IL1RL1: variants seen among roughly 807,000 people sequenced by gnomAD.
The protein encoded by IL1RL1 is interleukin-1 receptor-like 1.
A neutral mutation model predicts 50.9 loss-of-function variants in IL1RL1; 32 were observed. The observed-to-expected ratio is 0.63, with a 90% CI of 0.47 to 0.84. The LOEUF is 0.84. Ranked by LOEUF, IL1RL1 falls within the 40% of genes least tolerant of loss-of-function variation. The pLI, the probability that IL1RL1 is intolerant of heterozygous loss-of-function variation, is 0.00. For missense variants in IL1RL1, 773 were observed against 662.9 expected (o/e 1.17, Z -1.82); for synonymous variants, 275 against 236.0 (o/e 1.17, Z -1.51).
intron 1 of IL1RL1, among the ~76,000 whole-genome samples, chr2:102,323,012 A>G (rs1216298185): frequency 6.6e-6 from 1 of 152,094 alleles, no homozygotes; most frequent in African/African-American, 2.4e-5. Flanking sequence ...TTTGACAGTC[A>G]TCCTATGGTT....
chr2:102,319,878 G>A (rs1676787918), intron 1 of IL1RL1, among the ~76,000 whole-genome samples: 1 of 152,022 alleles, frequency 6.6e-6, no homozygotes, highest in Non-Finnish European at 1.5e-5. Flanking sequence ...TTGTAGAGAT[G>A]GGGACTTACT....
chr2:102,334,875 T>A (rs56980754), intron 1 of IL1RL1, among the ~76,000 whole-genome samples: 4,240 of 152,294 alleles, frequency 0.028, 177 homozygotes, highest in African/African-American at 0.096. Context: ...GTTGTTGCCC[T>A]CAAAACATAA....
rs375168088 is a variant in IL1RL1, at chr2:102,337,556, T to C, written c.-149-560T>C. 9.2e-5 allele frequency among the ~76,000 whole-genome samples: 14 copies of C among 152,332 alleles called. No homozygotes were observed. The South Asian group carries it at 2.9e-3, about 32-fold the overall frequency. ...TCAACTACTCTTAGAAAGCCTTTGG[T>C]GACTCCTGGGAACAAGCTGAGTCAG... On this transcript the variant is annotated intron_variant, in intron 1 of 10. Transcript: ENST00000233954.
intron 8 of IL1RL1, 81 bp from the exon 9 acceptor site, chr2:102,347,864 C>T (rs1677826637): frequency 2.5e-6 from 2 of 813,822 alleles, no homozygotes; most frequent in South Asian, 1.7e-5. Flanking sequence ...CTTGTACTCC[C>T]AAGGGAAGCC....
At chr2:102,341,250 CA>C in intron 5 of IL1RL1, 1 of 1,235,970 alleles carries the variant, frequency 8.1e-7, no homozygotes, top group Non-Finnish European at 1.0e-6. Flanking sequence ...TCATTGGATT[CA>C]AAGTCTAATG....
At chr2:102,326,580 C>A (rs894398922) in intron 1 of IL1RL1, among the ~76,000 whole-genome samples, 3 of 152,006 alleles carry the variant, frequency 2.0e-5, no homozygotes, top group African/African-American at 7.3e-5. Flanking sequence ...GAGTCAAGAC[C>A]CATCAGTGTG....
chr2:102,341,271 G>T lies in IL1RL1; in HGVS notation c.610+443G>T, dbSNP rs78197197. 1.9e-3 allele frequency: 2,376 copies of T among 1,253,506 alleles called. 11 individuals carry two copies. Among genetic ancestry groups the T allele is most frequent in the Non-Finnish European group, 1.8e-3 (1,761 of 971,144 alleles). 77.6% of individuals were successfully genotyped at this position (1,253,506 alleles called of 1,614,324 possible). ...GATTCAAAGTCTAATGAGAGGCTTT[G>T]TGATGGTATACTATGGTGTACATAA... On this transcript the variant is annotated intron_variant, in intron 5 of 10. Transcript: ENST00000233954.
At chr2:102,318,987 C>A (rs1273262627) in intron 1 of IL1RL1, among the ~76,000 whole-genome samples, 1 of 151,960 alleles carries the variant, frequency 6.6e-6, no homozygotes, top group African/African-American at 2.4e-5. Context: ...AACAAACAAA[C>A]CAAACAAACA....
At chr2:102,313,004 C>T (rs1236374512) in intron 1 of IL1RL1, 4 of 152,012 alleles carry the variant, frequency 2.6e-5, no homozygotes, top group African/African-American at 9.7e-5. Context: ...TTCCTGAATA[C>T]CATTGTGGAC....
At chr2:102,341,862 C>G (rs1315566676) in intron 5 of IL1RL1, among the ~76,000 whole-genome samples, 2 of 152,174 alleles carry the variant, frequency 1.3e-5, no homozygotes, top group South Asian at 2.1e-4. Context: ...TTTCATGGGT[C>G]TTTTGAAATC....
At chr2:102,342,979 A>G (rs1573156544) in intron 6 of IL1RL1, 57 bp from the exon 7 acceptor site, 1 of 1,555,520 alleles carries the variant, frequency 6.4e-7, no homozygotes, top group East Asian at 2.2e-5. Flanking sequence ...ATTAAATGGG[A>G]TAAAATGCCA....
At chr2:102,336,464 C>T (rs541727809) in intron 1 of IL1RL1, among the ~76,000 whole-genome samples, 1 of 151,674 alleles carries the variant, frequency 6.6e-6, no homozygotes, top group South Asian at 2.1e-4. Context: ...GAATTAGTTC[C>T]TGAATCCTTC....
chr2:102,347,167 C>T (rs1386851124), intron 8 of IL1RL1, among the ~76,000 whole-genome samples: 6 of 152,188 alleles, frequency 3.9e-5, no homozygotes, highest in Admixed American at 6.5e-5. Flanking sequence ...GTCTCAGACC[C>T]GTTGATGCCT....
chr2:102,341,432 T>C (rs1254313237), intron 5 of IL1RL1: 1 of 749,796 alleles, frequency 1.3e-6, no homozygotes, highest in Non-Finnish European at 1.7e-6. Context: ...AGGGAAAGAT[T>C]TCACAATCAT....
intron 6 of IL1RL1, among the ~76,000 whole-genome samples, chr2:102,342,553 A>G (rs899593102): frequency 1.3e-5 from 2 of 152,168 alleles, no homozygotes; most frequent in South Asian, 2.1e-4. Context: ...TTTCATCTTC[A>G]TCTCTATCCC....
At chr2:102,311,846 A>ATATATAATATAATTATATAATATATAT (rs1327489945) in intron 1 of IL1RL1, among the ~76,000 whole-genome samples, 3,419 of 77,974 alleles carry the variant, frequency 0.044, 372 homozygotes, top group Non-Finnish European at 0.052. Flanking sequence ...TATAATTGTA[A>ATATATAATATAATTATATAATATATAT]TATATAATAT....
chr2:102,311,930 TA>T lies in IL1RL1; in HGVS notation c.-150+308del, dbSNP rs1207010071. Among the ~76,000 whole-genome samples the T allele has an allele frequency of 1.8e-4, 9 of 49,250 alleles. 2 individuals are homozygous for T. In the South Asian group the frequency reaches 2.4e-3, roughly 13 times the overall value. 32.3% of individuals were successfully genotyped at this position (49,250 alleles called of 152,430 possible). ...GTTATATATTTTATTATATAATATA[TA>T]TTATATATAATATTATATATAATAT... On this transcript the variant is annotated intron_variant, in intron 1 of 10. Transcript: ENST00000233954.
chr2:102,325,015 G>A (rs992859495), intron 1 of IL1RL1, among the ~76,000 whole-genome samples: 6 of 152,170 alleles, frequency 3.9e-5, no homozygotes, highest in African/African-American at 1.4e-4. Context: ...GGTTCTCCCA[G>A]CACGCAGCTG....
At chr2:102,330,159 A>G (rs1052492754) in intron 1 of IL1RL1, among the ~76,000 whole-genome samples, 6 of 152,260 alleles carry the variant, frequency 3.9e-5, no homozygotes, top group African/African-American at 1.4e-4. Context: ...CTATGCAGCC[A>G]TAAAAAGATG....
Sources: gnomAD v4.1 joint callset for allele counts (sites outside exome capture counted in the v4.1 genomes callset) on GRCh38, gnomAD v4.1.1 for gene constraint, MANE v1.5 for transcripts, NCBI Gene and HGNC (gene_info 2026-07-23, HGNC 2026-07-21) for gene names.